The following ERBIN variants were observed in gnomAD, a reference collection of about 807,000 sequenced individuals.
The protein encoded by ERBIN is densin-180-like protein.
Under a neutral mutation model 158.4 loss-of-function variants are expected in ERBIN, and 60 were observed. That is an observed-to-expected ratio of 0.38 (90% CI 0.31 to 0.47). The LOEUF is 0.47. ERBIN is among the 20% of genes least tolerant of loss of function. The probability of loss-of-function intolerance (pLI) is 0.99; values close to 1 mark genes in which losing one functional copy is unlikely to be tolerated. For missense variants in ERBIN, 1,610 were observed against 1,648.0 expected (o/e 0.98, Z 0.40); for synonymous variants, 594 against 557.2 (o/e 1.07, Z -0.93).
In ERBIN at chr5:66,054,085, C is replaced by T. The variant is rs778147857; in HGVS notation, c.2767C>T (p.Pro923Ser). 1.2e-6 allele frequency: 2 copies of T among 1,614,168 alleles called. No homozygotes were observed. Among genetic ancestry groups the T allele is most frequent in the East Asian group, 2.2e-5 (1 of 44,878 alleles). Residue 923 changes from proline (P) to serine (S), a missense_variant, in exon 21 of 26, where the codon CCA becomes TCA. This residue lies in a region of ERBIN where 1,014 missense variants were observed against 936.1 expected (regional missense o/e 1.08). Transcript: ENST00000284037. The stretch of plus-strand genomic sequence containing the variant: ...GTCTGCCACACTGTTGTATGATCAA[C>T]CATTGCAGGTATTTACTGGTTCTTC... ...SKSATLLYDQ[P>S]LQVFTGSSSS...
chr5:65,992,158 TTTTG>T (rs942639477), intron 2 of ERBIN, among the ~76,000 whole-genome samples: 33 of 152,244 alleles, frequency 2.2e-4, no homozygotes, highest in Admixed American at 3.3e-4. Context: ...GCACAGTTTT[TTTTG>T]TTTGTTTGTT....
chr5:66,003,983 G>C (rs1434536397), intron 4 of ERBIN, among the ~76,000 whole-genome samples: 1 of 144,964 alleles, frequency 6.9e-6, no homozygotes, highest in African/African-American at 2.6e-5. Flanking sequence ...TTGTTTCCCA[G>C]GCTGGAGTAC....
In ERBIN at chr5:66,048,765, T is replaced by C; in HGVS notation, c.1887T>C (p.Leu629=). 2 of 1,592,080 alleles carry C rather than the reference T, an allele frequency of 1.3e-6. No individual in the cohort carries two copies. The highest frequency in any genetic ancestry group is 8.5e-7 in the Non-Finnish European group (1 of 1,170,152). The change falls in exon 19 of 26, where the codon CTT becomes CTC. Residue 629 remains leucine (L), a synonymous_variant. Coordinates refer to ENST00000284037, the MANE Select transcript of ERBIN (RefSeq NM_001253697.2). ...TSINQPKVVA[L]SNNKKDDTKE... ...TTAACCAGCCAAAAGTCGTAGCACT[T>C]AGTAATAACAAAAAAGGTTAGATGT...
intron 21 of ERBIN, among the ~76,000 whole-genome samples, chr5:66,056,301 G>A (rs182373372): frequency 1.4e-4 from 22 of 152,284 alleles, no homozygotes; most frequent in African/African-American, 5.1e-4. Context: ...CAATCAGAAA[G>A]GAAAAGGGAT....
Position 66,038,469 on chromosome 5 carries a change from A to G in ERBIN, c.1293A>G (p.Pro431=). ...VLTNYMFPQQ[P]RTEDVMFISD... Reference sequence around the variant, plus strand: ...CCAACTACATGTTCCCTCAACAGCCAAGGACTGAGGATGGTAGGAATTTCA... The same window carrying G: ...CCAACTACATGTTCCCTCAACAGCCGAGGACTGAGGATGGTAGGAATTTCA... Residue 431 remains proline (P), a synonymous_variant, in exon 15 of 26, where the codon CCA becomes CCG. Coordinates refer to ENST00000284037, the MANE Select transcript of ERBIN (RefSeq NM_001253697.2). 1 of 1,607,376 alleles carries G rather than the reference A, an allele frequency of 6.2e-7. No homozygotes were observed. Among genetic ancestry groups the G allele is most frequent in the Non-Finnish European group, 8.5e-7 (1 of 1,175,570 alleles).
rs1759348547 is a variant in ERBIN, at chr5:66,054,190, A to G, written c.2872A>G (p.Ile958Val). The G allele has an allele frequency of 6.8e-6, 11 of 1,614,008 alleles. No homozygotes were observed. The highest frequency in any genetic ancestry group is 8.5e-6 in the Non-Finnish European group (10 of 1,180,024). ...TCATAATCCCGAAGAGCCAAATATA[A>G]TAAGAGGCCCCACAAGTGGCCCACA... ...SNHNPEEPNI[I>V]RGPTSGPQSA... Residue 958 changes from isoleucine to valine, a missense_variant, in exon 21 of 26, where the codon ATA (isoleucine) becomes GTA (valine). This residue lies in a region of ERBIN where 1,014 missense variants were observed against 936.1 expected (regional missense o/e 1.08). Coordinates refer to ENST00000284037, the MANE Select transcript of ERBIN (RefSeq NM_001253697.2).
chr5:66,074,752 GTAATT>G (rs1279486366), intron 22 of ERBIN, among the ~76,000 whole-genome samples: 1 of 152,092 alleles, frequency 6.6e-6, no homozygotes, highest in Non-Finnish European at 1.5e-5. Flanking sequence ...AAAAAAGCAA[GTAATT>G]TAAAATGTAG....
At chr5:65,993,480 T>G (rs1367186472) in intron 3 of ERBIN, among the ~76,000 whole-genome samples, 4 of 152,156 alleles carry the variant, frequency 2.6e-5, no homozygotes, top group African/African-American at 7.2e-5. Context: ...ATCACCTTGT[T>G]TTTTTTTCAC....
chr5:66,080,702 T>C lies in ERBIN; in HGVS notation c.*2172T>C, dbSNP rs1286882543. 6.6e-6 allele frequency: 1 copy of C among 152,098 alleles called. No individual in the cohort carries two copies. Among genetic ancestry groups the C allele is most frequent in the South Asian group, 2.1e-4 (1 of 4,834 alleles). The allele number at this position is 152,098 out of a possible 1,614,324, so 9.4% of individuals were successfully genotyped here. Reference sequence around the variant, plus strand: ...TACCTTGAACCACATATACCAATTATAATTTTGGAAAAGGAATTAAGCCTC... The same window carrying C: ...TACCTTGAACCACATATACCAATTACAATTTTGGAAAAGGAATTAAGCCTC... On this transcript the variant is annotated 3_prime_UTR_variant, in exon 26 of 26. Transcript: ENST00000284037.
chr5:66,002,379 A>C (rs1174150806), intron 4 of ERBIN, among the ~76,000 whole-genome samples: 1 of 152,244 alleles, frequency 6.6e-6, no homozygotes, highest in Non-Finnish European at 1.5e-5. Context: ...CTGCTGTTGC[A>C]ATCAAATGGC....
chr5:66,023,139 CTCT>C, intron 8 of ERBIN, 148 bp from the exon 9 acceptor site: 1 of 606,154 alleles, frequency 1.6e-6, no homozygotes, highest in Non-Finnish European at 2.9e-6. Flanking sequence ...TACATCCTGG[CTCT>C]TCTTTTTTAT....
At chr5:65,986,203 C>A (rs1184567178) in intron 1 of ERBIN, among the ~76,000 whole-genome samples, 3 of 152,204 alleles carry the variant, frequency 2.0e-5, no homozygotes, top group Admixed American at 2.0e-4. Context: ...CTCTGAATGC[C>A]TATATCCAGC....
chr5:65,975,688 G>A (rs1749780718), intron 1 of ERBIN, among the ~76,000 whole-genome samples: 1 of 152,182 alleles, frequency 6.6e-6, no homozygotes, highest in Non-Finnish European at 1.5e-5. Context: ...GTGGATTTAG[G>A]AACACTTGAT....
chr5:66,055,546 G>A (rs1288019874), intron 21 of ERBIN, among the ~76,000 whole-genome samples: 1 of 151,924 alleles, frequency 6.6e-6, no homozygotes, highest in Non-Finnish European at 1.5e-5. Context: ...TAATGCTCGT[G>A]TTCAATTTAT....
At position 65,960,709 on chromosome 5, in the gene ERBIN, AT is replaced by A. The variant is rs549014681; in HGVS notation, c.-57-27920del. Among the ~76,000 whole-genome samples, 16 of 152,282 alleles carry A rather than the reference AT, an allele frequency of 1.1e-4. No individual in the cohort carries two copies. The East Asian group carries it at 3.1e-3, about 29-fold the overall frequency. On this transcript the variant is annotated intron_variant, in intron 1 of 25. Transcript: ENST00000284037. Reference sequence around the variant, plus strand: ...GAGAGGCATTGCTATCCTTGACAAGATTTTTTGAAGTGGAGAGACAACACTT... The same window carrying A: ...GAGAGGCATTGCTATCCTTGACAAGATTTTTGAAGTGGAGAGACAACACTT...
intron 21 of ERBIN, among the ~76,000 whole-genome samples, chr5:66,060,188 A>G (rs1271754149): frequency 6.6e-6 from 1 of 152,060 alleles, no homozygotes; most frequent in Non-Finnish European, 1.5e-5. Flanking sequence ...TTGGTTGGTA[A>G]GCTATTAATT....
chr5:65,956,187 T>G (rs1389152705), intron 1 of ERBIN, among the ~76,000 whole-genome samples: 1 of 152,068 alleles, frequency 6.6e-6, no homozygotes, highest in Non-Finnish European at 1.5e-5. Flanking sequence ...TGTGGTAGAG[T>G]GTCTACTGCA....
At chr5:65,952,955 C>A (rs551436611) in intron 1 of ERBIN, among the ~76,000 whole-genome samples, 37 of 152,110 alleles carry the variant, frequency 2.4e-4, no homozygotes, top group African/African-American at 8.7e-4. Flanking sequence ...AAAGAACTTG[C>A]CAAAAAAAAA....
intron 20 of ERBIN, 105 bp downstream of exon 20, chr5:66,051,071 G>T: frequency 7.5e-6 from 5 of 663,888 alleles, no homozygotes; most frequent in Non-Finnish European, 2.4e-6. Flanking sequence ...TTATAGAAGT[G>T]GTTCCAGTAA....
Sources: gnomAD v4.1 joint callset for allele counts (sites outside exome capture counted in the v4.1 genomes callset) on GRCh38, gnomAD v4.1.1 for gene constraint, gnomAD v4.1.1 regional missense constraint, MANE v1.5 for transcripts, NCBI Gene and HGNC (gene_info 2026-07-23, HGNC 2026-07-21) for gene names.